PLAC1: variants seen among roughly 807,000 people sequenced by gnomAD.
PLAC1 encodes the protein placenta associated 1.
For missense variants in PLAC1, 136 were observed against 163.2 expected (o/e 0.83, Z 0.91); for synonymous variants, 68 against 62.1 (o/e 1.09, Z -0.44).
chrX:134,712,404 G>A (rs961782263), intron 2 of PLAC1, among the ~76,000 whole-genome samples: 5 of 110,679 alleles, frequency 4.5e-5, no homozygotes, highest in East Asian at 2.8e-4. Context: ...ATCACCCCAC[G>A]AAACCTAACC....
intron 2 of PLAC1, among the ~76,000 whole-genome samples, chrX:134,669,383 G>A (rs2078447451): frequency 8.9e-6 from 1 of 112,060 alleles, no homozygotes; most frequent in Admixed American, 9.4e-5. Context: ...ATTTCCCAGG[G>A]CCCTCATCAA....
At chrX:134,688,203 T>C (rs2078524941) in intron 2 of PLAC1, among the ~76,000 whole-genome samples, 1 of 111,285 alleles carries the variant, frequency 9.0e-6, no homozygotes, top group African/African-American at 3.3e-5. Flanking sequence ...GTTTGACTCA[T>C]AGAAATCAGA....
intron 2 of PLAC1, 175 bp downstream of exon 2, chrX:134,601,876 C>G (rs2078090900): frequency 8.9e-6 from 1 of 112,000 alleles, no homozygotes; most frequent in Non-Finnish European, 1.9e-5. Flanking sequence ...ACTCTATTTC[C>G]TGGTATAAAT....
At chrX:134,612,199 G>T (rs1173718306) in intron 1 of PLAC1, among the ~76,000 whole-genome samples, 1 of 111,944 alleles carries the variant, frequency 8.9e-6, no homozygotes. Flanking sequence ...TAAGACTACA[G>T]TTCAAACCCC....
At chrX:134,763,846 A>AAGAG (rs1400323477) in intron 1 of PLAC1, among the ~76,000 whole-genome samples, 2 of 108,827 alleles carry the variant, frequency 1.8e-5, no homozygotes, top group Non-Finnish European at 3.8e-5. Flanking sequence ...GAAAGAAAGA[A>AAGAG]AGAAAGAAAG....
intron 1 of PLAC1, among the ~76,000 whole-genome samples, chrX:134,635,829 C>G (rs16993096): frequency 0.14 from 15,685 of 111,850 alleles, 2,681 homozygotes; most frequent in African/African-American, 0.48. Context: ...GATTTGAAAG[C>G]CCGTTCTTTA....
chrX:134,592,291 A>C (rs1291664186), intron 2 of PLAC1, among the ~76,000 whole-genome samples: 1 of 112,197 alleles, frequency 8.9e-6, no homozygotes, highest in Non-Finnish European at 1.9e-5. Context: ...ATCCATTTTC[A>C]GATACTTTTT....
At chrX:134,658,802 T>G (rs1602885846), upstream of PLAC1, among the ~76,000 whole-genome samples, 1 of 111,951 alleles carries the variant, frequency 8.9e-6, no homozygotes, top group East Asian at 2.8e-4. Flanking sequence ...AATCAAGCAG[T>G]GAGCTGGCCA....
intron 2 of PLAC1, among the ~76,000 whole-genome samples, chrX:134,724,586 A>T (rs768363704): frequency 8.8e-6 from 1 of 113,045 alleles, no homozygotes; most frequent in Non-Finnish European, 1.9e-5. Context: ...GAAAACAAAG[A>T]TAACTACAAA....
At chrX:134,667,768 AT>A in intron 2 of PLAC1, among the ~76,000 whole-genome samples, 1 of 109,079 alleles carries the variant, frequency 9.2e-6, no homozygotes, top group South Asian at 4.0e-4. Flanking sequence ...TAAAAAAAAA[AT>A]TTTTTTAAAT....
At chrX:134,724,521 A>T (rs1163517624) in intron 2 of PLAC1, among the ~76,000 whole-genome samples, 3 of 112,315 alleles carry the variant, frequency 2.7e-5, no homozygotes, top group Non-Finnish European at 3.8e-5. Flanking sequence ...TTTCTTTTTC[A>T]AAAGGGTGTT....
intron 1 of PLAC1, among the ~76,000 whole-genome samples, chrX:134,627,290 C>A (rs1247903146): frequency 8.9e-6 from 1 of 111,831 alleles, no homozygotes; most frequent in Admixed American, 9.5e-5. Context: ...TGATGACCAA[C>A]TAATTTATTT....
rs946008390 is a variant in PLAC1, at chrX:134,574,063, C to G, written c.-58-7323G>C. Among the ~76,000 whole-genome samples, 6 of 104,276 alleles carry G rather than the reference C, an allele frequency of 5.8e-5. No homozygotes were observed. The Admixed American group carries it at 6.1e-4, about 11-fold the overall frequency. The allele number at this position is 104,276 out of a possible 115,157, so 90.6% of individuals were successfully genotyped here. A position where few individuals can be genotyped will look rare whatever the true frequency, so the allele number is the denominator to read the frequency against. Reference sequence around the variant, plus strand: ...TTGTAGGAAGATAAATTTTCTCTCTCTCTCTCTGTCTCTCTCTCTCTCTCT... The same window carrying G: ...TTGTAGGAAGATAAATTTTCTCTCTGTCTCTCTGTCTCTCTCTCTCTCTCT... On this transcript the variant is annotated intron_variant, in intron 2 of 2. Transcript: ENST00000359237.
intron 1 of PLAC1, among the ~76,000 whole-genome samples, chrX:134,632,526 C>A (rs1031425616): frequency 9.0e-6 from 1 of 111,454 alleles, no homozygotes; most frequent in Non-Finnish European, 1.9e-5. Flanking sequence ...CCCAGGGCAA[C>A]ATCCTTCTAA....
intron 1 of PLAC1, among the ~76,000 whole-genome samples, chrX:134,633,682 G>A (rs1267166674): frequency 9.0e-6 from 1 of 111,721 alleles, no homozygotes; most frequent in Non-Finnish European, 1.9e-5. Context: ...ATAAAAAGAA[G>A]CATGTGATTA....
chrX:134,667,225 A>G (rs2078440234), intron 2 of PLAC1, among the ~76,000 whole-genome samples: 1 of 112,471 alleles, frequency 8.9e-6, no homozygotes, highest in African/African-American at 3.2e-5. Context: ...CAACCAAAAA[A>G]GTGAAGAGAC....
chrX:134,699,499 C>T (rs933372866), intron 2 of PLAC1, among the ~76,000 whole-genome samples: 9 of 112,341 alleles, frequency 8.0e-5, no homozygotes, highest in South Asian at 3.7e-4. Flanking sequence ...AAAGTAACTA[C>T]GTGAGATGAT....
At chrX:134,680,696 T>C (rs1056667257) in intron 2 of PLAC1, among the ~76,000 whole-genome samples, 2 of 112,121 alleles carry the variant, frequency 1.8e-5, no homozygotes, top group Non-Finnish European at 3.8e-5. Context: ...GTTCTATATG[T>C]GGTGCATTCG....
intron 1 of PLAC1, among the ~76,000 whole-genome samples, chrX:134,621,444 CAAAAAAAAAAAAAAAA>C (rs11317429): frequency 3.0e-5 from 1 of 33,854 alleles, no homozygotes; most frequent in Admixed American, 6.0e-4. Flanking sequence ...GGCTCTGTCT[CAAAAAAAAAAAAAAAA>C]AAAAAAAAAA....
Sources: gnomAD v4.1 joint callset for allele counts (sites outside exome capture counted in the v4.1 genomes callset) on GRCh38, gnomAD v4.1.1 for gene constraint, MANE v1.5 for transcripts, NCBI Gene and HGNC (gene_info 2026-07-23, HGNC 2026-07-21) for gene names.